Variants in SUGCT observed in about 807,000 individuals in gnomAD.
SUGCT encodes succinyl-CoA:glutarate-CoA transferase.
SUGCT carries 41 observed loss-of-function variants against 55.0 expected under a neutral mutation model. The observed-to-expected ratio is 0.74, with a 90% CI of 0.58 to 0.97. The LOEUF (loss-of-function observed/expected upper bound fraction) is 0.97, where lower values mean the gene tolerates loss of function less well. Ranked by LOEUF, SUGCT falls within the 50% of genes least tolerant of loss-of-function variation. The pLI, the probability that SUGCT is intolerant of heterozygous loss-of-function variation, is 0.00. For missense variants in SUGCT, 568 were observed against 547.8 expected (o/e 1.04, Z -0.37); for synonymous variants, 187 against 200.4 (o/e 0.93, Z 0.56).
chr7:40,324,005 T>C (rs906098517), intron 9 of SUGCT, among the ~76,000 whole-genome samples: 3 of 151,984 alleles, frequency 2.0e-5, no homozygotes, highest in Non-Finnish European at 4.4e-5. Flanking sequence ...AAAGACTTTG[T>C]CTCTTATTCC....
chr7:40,272,469 G>A (rs1792133664), intron 7 of SUGCT, among the ~76,000 whole-genome samples: 1 of 150,224 alleles, frequency 6.7e-6, no homozygotes, highest in East Asian at 2.0e-4. Flanking sequence ...GAGCCACTGT[G>A]CGTGAACACA....
intron 7 of SUGCT, among the ~76,000 whole-genome samples, chr7:40,240,149 A>G (rs1359021185): frequency 6.6e-6 from 1 of 152,206 alleles, no homozygotes; most frequent in African/African-American, 2.4e-5. Flanking sequence ...AAAGATCTCC[A>G]TAAAGTGTGG....
chr7:40,514,632 C>T (rs539409805), intron 12 of SUGCT, among the ~76,000 whole-genome samples: 4 of 150,534 alleles, frequency 2.7e-5, no homozygotes, highest in Non-Finnish European at 4.4e-5. Context: ...ATAGCATGAA[C>T]CCGGGAGGCG....
intron 12 of SUGCT, among the ~76,000 whole-genome samples, chr7:40,653,981 CACA>C (rs1800898635): frequency 1.3e-5 from 2 of 150,850 alleles, no homozygotes. Flanking sequence ...TGGTTAAAAC[CACA>C]ACAACAACAA....
intron 7 of SUGCT, among the ~76,000 whole-genome samples, chr7:40,237,984 G>T (rs1026426254): frequency 6.6e-6 from 1 of 152,176 alleles, no homozygotes; most frequent in Non-Finnish European, 1.5e-5. Context: ...AATGTTTTTA[G>T]CAAGAAGCCA....
chr7:40,987,579 A>G, the SUGCT span, among the ~76,000 whole-genome samples: 1 of 152,186 alleles, frequency 6.6e-6, no homozygotes, highest in African/African-American at 2.4e-5. Flanking sequence ...AAGGAATTCT[A>G]TGACTTTGGA....
chr7:40,929,173 G>C, the SUGCT span, among the ~76,000 whole-genome samples: 2 of 152,118 alleles, frequency 1.3e-5, no homozygotes, highest in East Asian at 3.9e-4. Context: ...AACATGCGGT[G>C]TTTGGTTTTC....
the SUGCT span, among the ~76,000 whole-genome samples, chr7:41,036,754 C>A: frequency 6.6e-6 from 1 of 152,216 alleles, no homozygotes; most frequent in African/African-American, 2.4e-5. Context: ...TCAAACACAC[C>A]TCAGCTGCCA....
At chr7:41,038,679 G>A in the SUGCT span, among the ~76,000 whole-genome samples, 1 of 152,164 alleles carries the variant, frequency 6.6e-6, no homozygotes, top group African/African-American at 2.4e-5. Context: ...TCTATTCACA[G>A]AAGGAGAACA....
At chr7:40,788,584 A>G (rs2128743335) in intron 13 of SUGCT, among the ~76,000 whole-genome samples, 1 of 152,344 alleles carries the variant, frequency 6.6e-6, no homozygotes, top group East Asian at 1.9e-4. Flanking sequence ...AAATGATAGA[A>G]CATGTTGAGC....
the SUGCT span, among the ~76,000 whole-genome samples, chr7:41,015,174 G>C: frequency 6.6e-6 from 1 of 152,186 alleles, no homozygotes; most frequent in African/African-American, 2.4e-5. Flanking sequence ...TGGAGCAGAA[G>C]CAGAGATCGA....
chr7:40,813,987 G>T (rs1379734795), intron 13 of SUGCT, among the ~76,000 whole-genome samples: 2 of 152,252 alleles, frequency 1.3e-5, no homozygotes, highest in African/African-American at 2.4e-5. Context: ...AGTTTGGTGG[G>T]ATATGAAATT....
intron 13 of SUGCT, among the ~76,000 whole-genome samples, chr7:40,844,109 C>T (rs1205705504): frequency 1.3e-5 from 2 of 152,150 alleles, no homozygotes; most frequent in Non-Finnish European, 2.9e-5. Context: ...CGGCAGCATC[C>T]AAGCATGTTA....
chr7:40,728,028 T>C (rs1174890060), intron 12 of SUGCT, among the ~76,000 whole-genome samples: 1 of 152,178 alleles, frequency 6.6e-6, no homozygotes, highest in East Asian at 1.9e-4. Context: ...AGCATTTTTA[T>C]GCATAAAGGT....
intron 11 of SUGCT, among the ~76,000 whole-genome samples, chr7:40,474,032 T>TC (rs1202492283): frequency 6.6e-6 from 1 of 151,976 alleles, no homozygotes; most frequent in East Asian, 1.9e-4. Context: ...TGCCCGCTTC[T>TC]CCCCCTTTCC....
intron 12 of SUGCT, among the ~76,000 whole-genome samples, chr7:40,693,703 C>T (rs1254097054): frequency 6.6e-6 from 1 of 152,166 alleles, no homozygotes; most frequent in Admixed American, 6.5e-5. Flanking sequence ...TTATTTCAAC[C>T]TGATGTTCAG....
intron 6 of SUGCT, among the ~76,000 whole-genome samples, chr7:40,210,959 A>G (rs530736038): frequency 8.9e-4 from 136 of 152,312 alleles, no homozygotes; most frequent in African/African-American, 3.2e-3. Flanking sequence ...AGAATTGAAC[A>G]TACTGACATA....
At chr7:40,446,342 C>G (rs539770791) in intron 9 of SUGCT, among the ~76,000 whole-genome samples, 1 of 152,236 alleles carries the variant, frequency 6.6e-6, no homozygotes, top group South Asian at 2.1e-4. Context: ...CCCCCCATCT[C>G]ACCCTTCTCC....
chr7:40,930,583 C>T, the SUGCT span, among the ~76,000 whole-genome samples: 1 of 151,852 alleles, frequency 6.6e-6, no homozygotes, highest in African/African-American at 2.4e-5. Flanking sequence ...TGTTTGTGTC[C>T]TCTTTTATTT....
Sources: allele counts gnomAD v4.1 joint callset (sites outside exome capture counted in the v4.1 genomes callset), GRCh38; gene constraint gnomAD v4.1.1; transcripts MANE v1.5; gene names NCBI Gene and HGNC (gene_info 2026-07-23, HGNC 2026-07-21).